Variants in USP39 observed in about 807,000 individuals in gnomAD.
USP39 encodes the protein ubiquitin specific peptidase 39.
A neutral mutation model predicts 66.4 loss-of-function variants in USP39; 38 were observed. The observed-to-expected ratio is 0.57, with a 90% CI of 0.44 to 0.75. USP39 has a LOEUF of 0.75. Among genes scored for constraint, USP39 ranks in the 30% least tolerant of loss-of-function variants. The pLI is 0.00. For missense variants in USP39, 608 were observed against 714.4 expected, an observed-to-expected ratio of 0.85 and a Z score of 1.70; for synonymous variants, 303 against 274.6, an observed-to-expected ratio of 1.10 and a Z score of -1.02.
intron 1 of USP39, among the ~76,000 whole-genome samples, chr2:85,605,472 C>T (rs1181690845): frequency 6.6e-6 from 1 of 152,176 alleles, no homozygotes; most frequent in East Asian, 1.9e-4. Context: ...AGAAGGTCTT[C>T]AATTCTAGCA....
chr2:85,640,751 G>A (rs1676171346), intron 9 of USP39, among the ~76,000 whole-genome samples: 1 of 147,704 alleles, frequency 6.8e-6, no homozygotes, highest in Non-Finnish European at 1.5e-5. Flanking sequence ...AGGATTATAG[G>A]TGTGAGCCAC....
Position 85,649,024 on chromosome 2 carries a change from C to T in USP39, c.*216C>T, listed in dbSNP as rs1676860630. 1.7e-6 allele frequency: 1 copy of T among 598,590 alleles called. No individual in the cohort carries two copies. Among genetic ancestry groups the T allele is most frequent in the South Asian group, 2.1e-5 (1 of 48,154 alleles). 37.1% of individuals were successfully genotyped at this position (598,590 alleles called of 1,614,324 possible). A position where few individuals can be genotyped will look rare whatever the true frequency, so the allele number is the denominator to read the frequency against. On this transcript the variant is annotated 3_prime_UTR_variant, in exon 13 of 13. Transcript: ENST00000323701. ...TTGATCATTTTTTTCTAGATTGATG[C>T]TCCTTTCTCCCATGCATTGAGCTCC... is the stretch of plus-strand genomic sequence containing the variant.
chr2:85,629,011 G>C (rs563182949), intron 5 of USP39, among the ~76,000 whole-genome samples: 8 of 152,230 alleles, frequency 5.3e-5, no homozygotes, highest in Non-Finnish European at 1.0e-4. Flanking sequence ...AGGACCTGTG[G>C]GGATACTGCA....
intron 1 of USP39, chr2:85,603,308 A>T (rs889661513): frequency 1.3e-5 from 2 of 152,266 alleles, no homozygotes; most frequent in Non-Finnish European, 2.9e-5. Flanking sequence ...ACTAGCCAGA[A>T]ATCAGTGTCC....
intron 10 of USP39, among the ~76,000 whole-genome samples, chr2:85,643,358 T>C (rs1573448869): frequency 6.6e-6 from 1 of 151,994 alleles, no homozygotes; most frequent in Non-Finnish European, 1.5e-5. Context: ...GGCATGGTGG[T>C]GGGCGCCTGT....
At chr2:85,618,661 C>G (rs1674200814) in intron 1 of USP39, among the ~76,000 whole-genome samples, 1 of 150,732 alleles carries the variant, frequency 6.6e-6, no homozygotes. Flanking sequence ...TCATATTTTT[C>G]ATGCTTTATG....
intron 5 of USP39, among the ~76,000 whole-genome samples, chr2:85,626,667 T>C (rs1174899179): frequency 1.3e-5 from 2 of 152,118 alleles, no homozygotes; most frequent in Non-Finnish European, 2.9e-5. Flanking sequence ...TTCCTGCCCA[T>C]GTGCTCATAA....
rs746567015 is a variant in USP39, at chr2:85,623,725, G to A, written c.513G>A (p.Lys171=). 9.3e-6 allele frequency: 15 copies of A among 1,613,810 alleles called. No homozygotes were observed. Among genetic ancestry groups the A allele is most frequent in the Non-Finnish European group, 1.3e-5 (15 of 1,179,972 alleles). The part of the protein sequence containing the change: ...HHVFLNLHTL[K]FYCLPDNYEI... ...TTTTCCTCAACCTCCACACCCTCAA[G>A]TTTTACTGCCTTCCAGACAACTATG... is the stretch of plus-strand genomic sequence containing the variant. Residue 171 remains lysine (K), a synonymous_variant, in exon 4 of 13, where the codon AAG becomes AAA. Coordinates refer to ENST00000323701, the MANE Select transcript of USP39 (RefSeq NM_006590.4).
intron 5 of USP39, 119 bp from the exon 6 acceptor site, chr2:85,630,602 G>A (rs919733835): frequency 1.1e-6 from 1 of 895,146 alleles, no homozygotes; most frequent in East Asian, 2.5e-5. Context: ...TTTACTTTTG[G>A]CTCTTTAAGG....
At chr2:85,648,508 C>G (rs1676818117) in intron 12 of USP39, among the ~76,000 whole-genome samples, 2 of 152,148 alleles carry the variant, frequency 1.3e-5, no homozygotes, top group South Asian at 4.1e-4. Context: ...TGTAACTGCC[C>G]TAGTACCTGG....
chr2:85,648,324 A>G (rs1295279395), intron 12 of USP39, among the ~76,000 whole-genome samples: 1 of 152,204 alleles, frequency 6.6e-6, no homozygotes, highest in African/African-American at 2.4e-5. Context: ...TAGACTCATC[A>G]GGGAGGCTGG....
chr2:85,619,935 A>G (rs375144558), intron 2 of USP39, among the ~76,000 whole-genome samples: 25 of 152,016 alleles, frequency 1.6e-4, no homozygotes, highest in African/African-American at 6.0e-4. Context: ...GCTTACTGCA[A>G]CCTTCGCCTT....
chr2:85,605,267 G>A lies in USP39; in HGVS notation n.226+2186G>A, dbSNP rs144336312. On this transcript the variant is annotated intron_variant and non_coding_transcript_variant, in intron 1 of 12. Transcript: ENST00000459775. ...TGGCAAAAACAGTGCTGTAAAAATC[G>A]TAAGTTTATTTGTTAAAAAAAATAC... is the stretch of plus-strand genomic sequence containing the variant. Among the ~76,000 whole-genome samples the A allele has an allele frequency of 1.4e-4, 21 of 152,130 alleles. No individual in the cohort carries two copies. The East Asian group carries it at 2.5e-3, about 18-fold the overall frequency.
chr2:85,641,053 CAA>C lies in USP39; in HGVS notation c.1363_1364del (p.Lys455GlufsTer4). 1 of 1,613,772 alleles carries C rather than the reference CAA, an allele frequency of 6.2e-7. No homozygotes were observed. The highest frequency in any genetic ancestry group is 8.5e-7 in the Non-Finnish European group (1 of 1,179,914). On this transcript the variant is annotated frameshift_variant, in exon 10 of 13. Transcript: ENST00000323701. LOFTEE classifies it high-confidence loss of function. ...TGCCTCCATATCTAATCTTTTGTATCAAGAGATTCACTAAGAACAACTTCTTT... is the reference window on the plus strand; with the variant it reads ...TGCCTCCATATCTAATCTTTTGTATCGAGATTCACTAAGAACAACTTCTTT... ...KLPPYLIFCI[K>X]RFTKNNFFVE...
chr2:85,616,706 C>G (rs1674001554), intron 1 of USP39, among the ~76,000 whole-genome samples: 1 of 137,576 alleles, frequency 7.3e-6, no homozygotes, highest in Admixed American at 8.0e-5. Flanking sequence ...GAGATGGAGT[C>G]TCATTCTGTC....
At chr2:85,604,744 T>C (rs1673156098) in intron 1 of USP39, among the ~76,000 whole-genome samples, 1 of 152,244 alleles carries the variant, frequency 6.6e-6, no homozygotes, top group Admixed American at 6.5e-5. Flanking sequence ...AGGCACCTTA[T>C]CTGCCCAATG....
Position 85,616,295 on chromosome 2 carries a change from C to A in USP39, c.100C>A (p.Arg34=). Residue 34 remains arginine (R), a synonymous_variant, in exon 1 of 13, where the codon CGG becomes AGG. Transcript: ENST00000323701. The stretch of plus-strand genomic sequence containing the variant: ...CGGTCGCGTCAAGCGGGAGCGAGAT[C>A]GGGAGCGGGAGCCTGAGGCGGCGAG... ...SSGRVKRERD[R]EREPEAASSR... 6.4e-7 allele frequency: 1 copy of A among 1,566,488 alleles called. No homozygotes were observed.
At chr2:85,609,852 C>A (rs1315613632), upstream of USP39, among the ~76,000 whole-genome samples, 2 of 151,040 alleles carry the variant, frequency 1.3e-5, no homozygotes, top group Admixed American at 1.3e-4. Flanking sequence ...AGCTAATTTT[C>A]ATATTTTTAG....
intron 4 of USP39, among the ~76,000 whole-genome samples, chr2:85,624,675 A>G (rs1012992920): frequency 1.3e-5 from 2 of 152,164 alleles, no homozygotes; most frequent in African/African-American, 4.8e-5. Context: ...TAAAATAGTT[A>G]TGGACAGGCT....
Sources: gnomAD v4.1 joint callset for allele counts (sites outside exome capture counted in the v4.1 genomes callset) on GRCh38, gnomAD v4.1.1 for gene constraint, MANE v1.5 for transcripts, NCBI Gene and HGNC (gene_info 2026-07-23, HGNC 2026-07-21) for gene names.